RRN3: variants seen among roughly 807,000 people sequenced by gnomAD.
RRN3 encodes RNA polymerase I transcription factor RRN3.
RRN3 carries 38 observed loss-of-function variants against 82.3 expected under a neutral mutation model. That is an observed-to-expected ratio of 0.46 (90% CI 0.36 to 0.61). The LOEUF is 0.61. Among genes scored for constraint, RRN3 ranks in the 20% least tolerant of loss-of-function variants. The probability of loss-of-function intolerance (pLI) is 0.00; values close to 1 mark genes in which losing one functional copy is unlikely to be tolerated. For missense variants in RRN3, 726 were observed against 793.1 expected (o/e 0.92, Z 1.02); for synonymous variants, 284 against 284.3 (o/e 1.00, Z 0.01).
At chr16:15,091,921 G>A (rs1206114179) in intron 2 of RRN3, among the ~76,000 whole-genome samples, 2 of 152,184 alleles carry the variant, frequency 1.3e-5, no homozygotes, top group South Asian at 2.1e-4. Context: ...GCTCACGTCT[G>A]TAATCCCAGC....
chr16:15,093,293 C>T (rs189175873), intron 1 of RRN3, among the ~76,000 whole-genome samples: 265 of 152,284 alleles, frequency 1.7e-3, no homozygotes, highest in Admixed American at 3.2e-3. Flanking sequence ...CGTGAGCAAC[C>T]GCGCCCGGCC....
intron 15 of RRN3, among the ~76,000 whole-genome samples, chr16:15,066,875 C>T (rs901689950): frequency 6.6e-5 from 10 of 152,006 alleles, no homozygotes; most frequent in South Asian, 2.1e-4. Context: ...AGCCTCACAT[C>T]GCATCACACT....
At position 15,094,204 on chromosome 16, in the gene RRN3, C is replaced by G. The variant is rs1388502166; in HGVS notation, c.30G>C (p.Leu10Phe). 2.8e-5 allele frequency: 44 copies of G among 1,598,842 alleles called. No individual in the cohort carries two copies. The highest frequency in any genetic ancestry group is 3.7e-5 in the Non-Finnish European group (43 of 1,173,336). MAAPLLHTR[L>F]PGDAAASSSA... ...AGGACGAAGCGGCCGCATCTCCCGG[C>G]AAACGCGTGTGAAGCAGCGGTGCCG... The change falls in exon 1 of 18, where the codon TTG (leucine) becomes TTC (phenylalanine). Residue 10 changes from leucine to phenylalanine, a missense_variant. By Grantham distance (22) the Leu-to-Phe change is conservative. Coordinates refer to ENST00000198767, the MANE Select transcript of RRN3 (RefSeq NM_018427.5).
At chr16:15,087,442 T>C (rs1487233521) in intron 3 of RRN3, among the ~76,000 whole-genome samples, 1 of 152,178 alleles carries the variant, frequency 6.6e-6, no homozygotes, top group Non-Finnish European at 1.5e-5. Context: ...TCTGTCTCGG[T>C]CAAGGCTATC....
rs770225850 is a variant in RRN3 at position 15,065,295 on chromosome 16, C to A, written c.1630G>T (p.Ala544Ser). ...CAGATCTGCACTGAGTCTCCTCCAG[C>A]GGTACTCCTAATGACTGGCAGCATC... is the stretch of plus-strand genomic sequence containing the variant. ...RQMLPVIRST[A>S]GGDSVQICTN... Residue 544 changes from alanine (A) to serine (S), a missense_variant, in exon 16 of 18, where the codon GCT (alanine) becomes TCT (serine). Physicochemically the swap from Ala to Ser is moderately conservative, Grantham distance 99. Coordinates refer to ENST00000198767, the MANE Select transcript of RRN3 (RefSeq NM_018427.5). The A allele has an allele frequency of 1.9e-6, 3 of 1,613,810 alleles. No homozygotes were observed. The African/African-American group carries it at 4.0e-5, about 22-fold the overall frequency.
chr16:15,087,593 C>A (rs2045958353), intron 3 of RRN3, among the ~76,000 whole-genome samples: 1 of 152,130 alleles, frequency 6.6e-6, no homozygotes, highest in South Asian at 2.1e-4. Flanking sequence ...CTGATGAAAT[C>A]CCAAGTAGCC....
At chr16:15,088,174 T>A (rs1392039260) in intron 3 of RRN3, among the ~76,000 whole-genome samples, 1 of 151,866 alleles carries the variant, frequency 6.6e-6, no homozygotes, top group Non-Finnish European at 1.5e-5. Flanking sequence ...TACTGAACTA[T>A]TATTATTTCT....
chr16:15,085,875 T>C (rs1357599762), intron 5 of RRN3, among the ~76,000 whole-genome samples, 177 bp from the exon 6 acceptor site: 1 of 152,180 alleles, frequency 6.6e-6, no homozygotes, highest in African/African-American at 2.4e-5. Flanking sequence ...AAAGCAACTT[T>C]ATAGTTTTTA....
chr16:15,075,203 G>C (rs1174957508), intron 10 of RRN3, among the ~76,000 whole-genome samples: 1 of 147,180 alleles, frequency 6.8e-6, no homozygotes, highest in African/African-American at 2.5e-5. Flanking sequence ...AGTGAGCCGA[G>C]TTCGTGTGCT....
intron 1 of RRN3, chr16:15,093,840 G>C (rs1567232594): frequency 9.4e-6 from 4 of 427,022 alleles, no homozygotes; most frequent in Non-Finnish European, 1.2e-5. Flanking sequence ...AAATTTGGAC[G>C]AAGAAGAGGG....
At chr16:15,071,336 A>G (rs1469755602) in intron 12 of RRN3, 85 bp from the exon 13 acceptor site, 48 of 1,285,866 alleles carry the variant, frequency 3.7e-5, no homozygotes, top group Non-Finnish European at 4.6e-5. Context: ...TTACTTCACC[A>G]ATGTAGGGAA....
chr16:15,090,021 C>T (rs1337899729), intron 3 of RRN3, among the ~76,000 whole-genome samples: 1 of 150,920 alleles, frequency 6.6e-6, no homozygotes, highest in Admixed American at 6.6e-5. Flanking sequence ...CCAGCCTGGC[C>T]AACATGGTGA....
chr16:15,060,972 CG>C lies in RRN3; in HGVS notation c.*771del, dbSNP rs1451335941. On this transcript the variant is annotated 3_prime_UTR_variant, in exon 18 of 18. Transcript: ENST00000198767. ...CAATCTCATGTGTTTTACACAAGCC[CG>C]AACTCACTTTCAGTCTGTGTGAATT... The C allele has an allele frequency of 1.3e-5, 2 of 152,232 alleles. No individual in the cohort carries two copies. The highest frequency in any genetic ancestry group is 2.9e-5 in the Non-Finnish European group (2 of 68,054). The allele number at this position is 152,232 out of a possible 1,614,324, so 9.4% of individuals were successfully genotyped here.
At chr16:15,070,999 T>A (rs1241631944) in intron 13 of RRN3, 122 bp downstream of exon 13, 1 of 765,136 alleles carries the variant, frequency 1.3e-6, no homozygotes, top group Non-Finnish European at 2.1e-6. Flanking sequence ...TTGCACAGAG[T>A]AGGGATTTTA....
intron 15 of RRN3, among the ~76,000 whole-genome samples, chr16:15,066,637 A>T (rs1343703748): frequency 1.1e-5 from 1 of 89,838 alleles, no homozygotes; most frequent in African/African-American, 3.0e-5. Flanking sequence ...TGTCTCAAAT[A>T]AAAAAAAAAA....
Position 15,061,847 on chromosome 16 carries a change from G to C in RRN3, c.1853C>G (p.Thr618Ser). The change falls in exon 18 of 18, where the codon ACC (threonine) becomes AGC (serine). Residue 618 changes from threonine (T) to serine (S), a missense_variant. Thr to Ser is a moderately conservative substitution (Grantham distance 58). Transcript: ENST00000198767. ...GGAGCTTGGTGTGATCCCAATCACG[G>C]TATCATTCTGGGGCACTTCGCCTTT... is the stretch of plus-strand genomic sequence containing the variant. ...FLKGEVPQND[T>S]VIGITPSSFD... The C allele has an allele frequency of 1.9e-6, 3 of 1,614,060 alleles. No homozygotes were observed. Among genetic ancestry groups the C allele is most frequent in the Non-Finnish European group, 2.5e-6 (3 of 1,179,872 alleles).
chr16:15,088,141 A>T (rs929121173), intron 3 of RRN3, among the ~76,000 whole-genome samples: 3 of 152,008 alleles, frequency 2.0e-5, no homozygotes, highest in African/African-American at 7.2e-5. Context: ...AAAGTAAATC[A>T]GTTGCAGACT....
chr16:15,084,093 T>C (rs1251494629), intron 7 of RRN3, among the ~76,000 whole-genome samples: 1 of 152,218 alleles, frequency 6.6e-6, no homozygotes. Flanking sequence ...TTAACTCTGA[T>C]ATCAACAGCA....
chr16:15,083,033 C>A (rs1026107803), intron 8 of RRN3, among the ~76,000 whole-genome samples: 4 of 152,190 alleles, frequency 2.6e-5, no homozygotes, highest in Non-Finnish European at 5.9e-5. Context: ...CCCCAATAGC[C>A]GCTTTATAAG....
Sources: gnomAD v4.1 joint callset for allele counts (sites outside exome capture counted in the v4.1 genomes callset) on GRCh38, gnomAD v4.1.1 for gene constraint, MANE v1.5 for transcripts, NCBI Gene and HGNC (gene_info 2026-07-23, HGNC 2026-07-21) for gene names.